Variants in MAST4 observed in about 807,000 individuals in gnomAD.
MAST4 encodes the protein microtubule-associated serine/threonine-protein kinase 4.
Under a neutral mutation model 162.7 loss-of-function variants are expected in MAST4, and 89 were observed. The observed-to-expected ratio is 0.55, with a 90% CI of 0.46 to 0.65. The LOEUF is 0.65. Among genes scored for constraint, MAST4 ranks in the 30% least tolerant of loss-of-function variants. MAST4 has a pLI of 0.00. For missense variants in MAST4, 3,153 were observed against 3,374.0 expected (o/e 0.93, Z 1.62); for synonymous variants, 1,479 against 1,361.1 (o/e 1.09, Z -1.91).
Position 67,167,015 on chromosome 5 carries a change from G to A in MAST4, c.7836G>A (p.Glu2612=). ...DFVVRQRRGK[E]SLRSSPHKKA... is the part of the protein sequence containing the mutation. ...TGGTACGGCAGAGGCGGGGGAAAGA[G>A]AGTTTGCGTAGCAGCCCTCACAAAA... Residue 2612 remains glutamate, a synonymous_variant, in exon 29 of 29, where the codon GAG becomes GAA. Transcript: ENST00000403625. The A allele has an allele frequency of 6.2e-7, 1 of 1,604,290 alleles. No homozygotes were observed. The highest frequency in any genetic ancestry group is 8.5e-7 in the Non-Finnish European group (1 of 1,175,194).
intron 2 of MAST4, among the ~76,000 whole-genome samples, chr5:66,778,049 G>C (rs1754684450): frequency 6.6e-6 from 1 of 152,088 alleles, no homozygotes; most frequent in African/African-American, 2.4e-5. Context: ...TGTTAACACT[G>C]ACCTCTGCCT....
At chr5:66,807,804 G>A (rs1473003987) in intron 3 of MAST4, among the ~76,000 whole-genome samples, 1 of 152,180 alleles carries the variant, frequency 6.6e-6, no homozygotes, top group East Asian at 1.9e-4. Context: ...GGGTCCCTCA[G>A]GCAGCTGCTT....
chr5:66,728,407 G>C (rs1751648293), intron 1 of MAST4, among the ~76,000 whole-genome samples: 1 of 152,152 alleles, frequency 6.6e-6, no homozygotes, highest in Non-Finnish European at 1.5e-5. Context: ...CCTCAGTTTT[G>C]AATTTGCTTA....
At chr5:66,817,239 TAAAAC>T (rs1396044888) in intron 3 of MAST4, among the ~76,000 whole-genome samples, 1 of 152,364 alleles carries the variant, frequency 6.6e-6, no homozygotes, top group African/African-American at 2.4e-5. Flanking sequence ...ATCAAGGGGA[TAAAAC>T]AAAATAGTAA....
chr5:66,704,004 G>A (rs899966586), intron 1 of MAST4, among the ~76,000 whole-genome samples: 2 of 152,190 alleles, frequency 1.3e-5, no homozygotes, highest in African/African-American at 4.8e-5. Context: ...TGTGTTTTTA[G>A]TGATTGCCAG....
chr5:66,640,792 T>C (rs188417998), intron 1 of MAST4, among the ~76,000 whole-genome samples: 101 of 152,318 alleles, frequency 6.6e-4, no homozygotes, highest in Admixed American at 1.3e-3. Flanking sequence ...TGTTTAATTT[T>C]TTGAGGAACT....
chr5:66,646,110 G>A (rs932173647), intron 1 of MAST4, among the ~76,000 whole-genome samples: 5 of 152,014 alleles, frequency 3.3e-5, no homozygotes, highest in East Asian at 1.9e-4. Context: ...TTTTGTAGTC[G>A]AATTCCCCCT....
At chr5:67,035,412 C>T (rs1375722514) in intron 4 of MAST4, among the ~76,000 whole-genome samples, 2 of 152,062 alleles carry the variant, frequency 1.3e-5, no homozygotes, top group South Asian at 2.1e-4. Flanking sequence ...AGACAGTTTG[C>T]TGGTATTGTG....
In MAST4 at chr5:67,169,081, G is replaced by A. The variant is rs1297670840; in HGVS notation, c.*2030G>A. 1 of 152,052 alleles carries A rather than the reference G, an allele frequency of 6.6e-6. No individual in the cohort carries two copies. Among genetic ancestry groups the A allele is most frequent in the East Asian group, 1.9e-4 (1 of 5,194 alleles). 9.4% of individuals were successfully genotyped at this position (152,052 alleles called of 1,614,324 possible). A position where few individuals can be genotyped will look rare whatever the true frequency, so the allele number is the denominator to read the frequency against. ...ACGTTTATAATACATATCTGTGTTT[G>A]GCAGTTGTCATAACCCAATCCTACA... On this transcript the variant is annotated 3_prime_UTR_variant, in exon 29 of 29. Coordinates refer to ENST00000403625, the MANE Select transcript of MAST4 (RefSeq NM_001164664.2).
intron 1 of MAST4, among the ~76,000 whole-genome samples, chr5:66,759,069 CTT>C (rs1245056965): frequency 6.6e-6 from 1 of 152,146 alleles, no homozygotes; most frequent in Admixed American, 6.6e-5. Flanking sequence ...CTTGAAGTGA[CTT>C]TGGTTTCTCT....
intron 3 of MAST4, among the ~76,000 whole-genome samples, chr5:66,845,063 G>A (rs1227499853): frequency 9.7e-6 from 1 of 102,878 alleles, no homozygotes; most frequent in Non-Finnish European, 1.9e-5. Context: ...AAATAACACT[G>A]ACCCATTAAG....
chr5:66,940,679 G>A (rs1743263131), intron 4 of MAST4, among the ~76,000 whole-genome samples: 1 of 151,918 alleles, frequency 6.6e-6, no homozygotes, highest in Non-Finnish European at 1.5e-5. Context: ...TTTCATTGAA[G>A]TCTTGAAACC....
At chr5:67,025,337 T>C (rs1359274650) in intron 4 of MAST4, among the ~76,000 whole-genome samples, 1 of 152,204 alleles carries the variant, frequency 6.6e-6, no homozygotes, top group Non-Finnish European at 1.5e-5. Context: ...GTTTTTAATA[T>C]ATCTGCAACA....
At position 66,899,990 on chromosome 5, in the gene MAST4, G is replaced by T; in HGVS notation, c.674+8G>T. ...CCCCAGAAGAGGAAGTTTGTAAGTA[G>T]TAGTATTTTGTTTCCTTGTTTTCTT... On this transcript the variant is annotated splice_region_variant and intron_variant, in intron 4 of 28. Coordinates refer to ENST00000403625, the MANE Select transcript of MAST4 (RefSeq NM_001164664.2). The T allele has an allele frequency of 2.7e-6, 4 of 1,501,802 alleles. No individual in the cohort carries two copies. The highest frequency in any genetic ancestry group is 1.8e-6 in the Non-Finnish European group (2 of 1,127,468). 93.0% of individuals were successfully genotyped at this position (1,501,802 alleles called of 1,614,324 possible). A position where few individuals can be genotyped will look rare whatever the true frequency, so the allele number is the denominator to read the frequency against.
intron 22 of MAST4, 37 bp from the exon 23 acceptor site, chr5:67,145,107 G>A (rs1770902523): frequency 2.7e-6 from 4 of 1,495,684 alleles, no homozygotes; most frequent in Non-Finnish European, 3.7e-6. Context: ...CAGTTTTCTA[G>A]TATGTATATA....
intron 1 of MAST4, among the ~76,000 whole-genome samples, chr5:66,738,475 C>T (rs973081495): frequency 6.6e-6 from 1 of 152,202 alleles, no homozygotes; most frequent in Non-Finnish European, 1.5e-5. Context: ...ATGTGCCAGG[C>T]CCCTCTTCTA....
intron 9 of MAST4, 91 bp from the exon 10 acceptor site, chr5:67,104,275 C>T: frequency 1.0e-6 from 1 of 995,094 alleles, no homozygotes; most frequent in Middle Eastern, 2.9e-4. Flanking sequence ...TTGTGGAGGT[C>T]TCTGAAAATG....
rs577350527 is a variant in MAST4 at position 67,064,431 on chromosome 5, A to T, written c.763+9939A>T. Among the ~76,000 whole-genome samples the T allele has an allele frequency of 1.1e-3, 174 of 152,260 alleles. 1 individual carries two copies. The highest frequency in any genetic ancestry group is 3.9e-3 in the African/African-American group (164 of 41,536). On this transcript the variant is annotated intron_variant, in intron 5 of 28. Coordinates refer to ENST00000403625, the MANE Select transcript of MAST4 (RefSeq NM_001164664.2). ...AGATAAATGGCCAAAGACTCATTTG[A>T]CTCTTAGGACCAAAAATGCAGCATG...
intron 1 of MAST4, among the ~76,000 whole-genome samples, chr5:66,664,694 C>G (rs546310585): frequency 6.6e-6 from 1 of 151,162 alleles, no homozygotes; most frequent in Middle Eastern, 3.2e-3. Flanking sequence ...ATAAGACTTG[C>G]TCAAAAACCA....
Sources: gnomAD v4.1 joint callset for allele counts (sites outside exome capture counted in the v4.1 genomes callset) on GRCh38, gnomAD v4.1.1 for gene constraint, MANE v1.5 for transcripts, NCBI Gene and HGNC (gene_info 2026-07-23, HGNC 2026-07-21) for gene names.